Variants in FMO5 observed in about 807,000 individuals in gnomAD.
The protein encoded by FMO5 is flavin-containing monooxygenase 5.
In FMO5, 51 loss-of-function variants were observed where a neutral mutation model predicts 43.6. That is an observed-to-expected ratio of 1.17 (90% confidence interval 0.93 to 1.48). The LOEUF (loss-of-function observed/expected upper bound fraction) is 1.48, where lower values mean the gene tolerates loss of function less well. Among genes scored for constraint, FMO5 ranks in the 40% most tolerant of loss-of-function variants. The pLI is 0.00. For missense variants in FMO5, 644 were observed against 643.0 expected (o/e 1.00, Z -0.02); for synonymous variants, 187 against 216.5 (o/e 0.86, Z 1.20).
intron 5 of FMO5, among the ~76,000 whole-genome samples, chr1:147,212,127 A>G (rs1661173388): frequency 6.6e-6 from 1 of 152,224 alleles, no homozygotes; most frequent in Admixed American, 6.5e-5. Context: ...ATGCCTGATT[A>G]GGATAATGAG....
intron 7 of FMO5, 39 bp downstream of exon 7, chr1:147,201,113 C>A: frequency 7.0e-7 from 1 of 1,423,500 alleles, no homozygotes; most frequent in Admixed American, 1.9e-5. Context: ...GTAAACATAT[C>A]ACCAAGTAAT....
At chr1:147,192,708 G>A (rs1468973830) in intron 7 of FMO5, among the ~76,000 whole-genome samples, 2 of 152,094 alleles carry the variant, frequency 1.3e-5, no homozygotes, top group African/African-American at 4.8e-5. Flanking sequence ...TTTATTGAGA[G>A]TTTTTAGCAT....
intron 7 of FMO5, among the ~76,000 whole-genome samples, chr1:147,195,462 A>G (rs1384022173): frequency 6.6e-6 from 1 of 152,106 alleles, no homozygotes; most frequent in Non-Finnish European, 1.5e-5. Flanking sequence ...TTTTATGCCT[A>G]AAGTCCTGTG....
intron 7 of FMO5, among the ~76,000 whole-genome samples, chr1:147,191,152 A>G (rs1656698982): frequency 6.6e-6 from 1 of 152,144 alleles, no homozygotes; most frequent in Non-Finnish European, 1.5e-5. Flanking sequence ...ATACGTGTGC[A>G]TGTGTCTTTA....
chr1:147,197,702 T>G (rs916140397), intron 7 of FMO5, among the ~76,000 whole-genome samples: 5 of 152,130 alleles, frequency 3.3e-5, no homozygotes, highest in Admixed American at 1.3e-4. Flanking sequence ...CATGCAGAAC[T>G]GTGAGTGAAT....
Position 147,186,902 on chromosome 1 carries a change from A to G in FMO5, c.1600T>C (p.Ter534GlnextTer85). Reference sequence around the variant, plus strand: ...ACAGGGCAGTGACAATAGGACAACTAGAAGTAAGCTATAATTATAGCAAAG... The same window carrying G: ...ACAGGGCAGTGACAATAGGACAACTGGAAGTAAGCTATAATTATAGCAAAG... ...AFFAIIIAYF[*>Q] The change falls in exon 9 of 9, where the codon TAG becomes CAG. Residue 534 changes from the stop codon to glutamine (Q), a stop_lost. Transcript: ENST00000254090. 1 of 1,610,710 alleles carries G rather than the reference A, an allele frequency of 6.2e-7. No individual in the cohort carries two copies. Among genetic ancestry groups the G allele is most frequent in the Non-Finnish European group, 8.5e-7 (1 of 1,178,402 alleles).
At chr1:147,208,524 C>CT (rs1344888486) in intron 6 of FMO5, 3 of 186,682 alleles carry the variant, frequency 1.6e-5, no homozygotes, top group Non-Finnish European at 3.4e-5. Flanking sequence ...ACTGCAACCT[C>CT]TGCCTCCAGG....
chr1:147,184,412 A>G, downstream of FMO5: 2 of 1,346,956 alleles, frequency 1.5e-6, no homozygotes, highest in Middle Eastern at 2.7e-4. The surrounding 1 kb of genome is among the most constrained non-coding windows in gnomAD (Gnocchi z 4.4). Flanking sequence ...TGCATACTTT[A>G]TTAATATTCC....
chr1:147,215,104 T>A (rs1553924673), intron 3 of FMO5: 1 of 152,182 alleles, frequency 6.6e-6, no homozygotes, highest in African/African-American at 2.4e-5. Flanking sequence ...AGAAAAGTCC[T>A]AGAATACTTT....
At chr1:147,208,641 G>T in intron 6 of FMO5, 1 of 430,612 alleles carries the variant, frequency 2.3e-6, no homozygotes, top group Non-Finnish European at 4.4e-6. Flanking sequence ...GTTTCACCGT[G>T]TTGGCCAGGA....
chr1:147,204,934 G>A, intron 6 of FMO5: 1 of 1,551,452 alleles, frequency 6.4e-7, no homozygotes, highest in Non-Finnish European at 8.9e-7. Context: ...AAGCGCCATG[G>A]CCAGCCTGCA....
At chr1:147,206,173 T>A (rs1372717706) in intron 6 of FMO5, among the ~76,000 whole-genome samples, 2 of 150,414 alleles carry the variant, frequency 1.3e-5, no homozygotes, top group Non-Finnish European at 3.0e-5. Flanking sequence ...AAAATGCTCA[T>A]CATCACTGGC....
intron 7 of FMO5, among the ~76,000 whole-genome samples, chr1:147,197,121 T>C (rs1031515909): frequency 1.3e-5 from 2 of 152,222 alleles, no homozygotes; most frequent in African/African-American, 4.8e-5. Flanking sequence ...TTCATTTTCC[T>C]TCATTCCTAT....
intron 2 of FMO5, among the ~76,000 whole-genome samples, chr1:147,219,063 C>T (rs2120003): frequency 0.14 from 21,902 of 152,042 alleles, 1,545 homozygotes; most frequent in South Asian, 0.18. Flanking sequence ...CTGGTGTGTA[C>T]TGGATGTGCA....
At position 147,194,228 on chromosome 1, in the gene FMO5, T is replaced by A. The variant is rs2101760209; in HGVS notation, c.1184-3979A>T. Among the ~76,000 whole-genome samples the A allele has an allele frequency of 2.0e-5, 3 of 152,320 alleles. No homozygotes were observed. The Middle Eastern group carries it at 0.01, about 518-fold the overall frequency. ...CATATATATTTAGGATAGTTAGGTC[T>A]TCTTGTTGAATTGATCCCTTTACCA... On this transcript the variant is annotated intron_variant, in intron 7 of 8. Coordinates refer to ENST00000254090, the MANE Select transcript of FMO5 (RefSeq NM_001461.4).
chr1:147,198,459 A>C (rs1336851351), intron 7 of FMO5, among the ~76,000 whole-genome samples: 2 of 152,164 alleles, frequency 1.3e-5, no homozygotes, highest in Non-Finnish European at 2.9e-5. Flanking sequence ...TGGAAGCAAA[A>C]GCACAGGGTA....
chr1:147,192,723 T>G (rs5932785), intron 7 of FMO5, among the ~76,000 whole-genome samples: 5,608 of 152,102 alleles, frequency 0.037, 153 homozygotes, highest in South Asian at 0.095. Flanking sequence ...TAGCATGAAG[T>G]GTTGTTGAAT....
downstream of FMO5, chr1:147,186,138 T>C (rs28381224): frequency 5.0e-3 from 827 of 166,354 alleles, 3 homozygotes; most frequent in African/African-American, 0.019. Context: ...TGGATCCTAA[T>C]ATGGGAAGGA....
At position 147,212,597 on chromosome 1, in the gene FMO5, G is replaced by A; in HGVS notation, c.488-62C>T. 13 of 1,492,896 alleles carry A rather than the reference G, an allele frequency of 8.7e-6. No homozygotes were observed. The South Asian group carries it at 1.5e-4, about 17-fold the overall frequency. 92.5% of individuals were successfully genotyped at this position (1,492,896 alleles called of 1,614,324 possible). Reference sequence around the variant, plus strand: ...TTACATGATAGATATCATTTGTCAAGTCATTTGTTTTTTTTGCAGACTTAA... The same window carrying A: ...TTACATGATAGATATCATTTGTCAAATCATTTGTTTTTTTTGCAGACTTAA... On this transcript the variant is annotated intron_variant, in intron 4 of 8. Transcript: ENST00000254090.
Sources: allele counts gnomAD v4.1 joint callset (sites outside exome capture counted in the v4.1 genomes callset), GRCh38; gene constraint gnomAD v4.1.1; non-coding constraint Gnocchi (gnomAD v3.1); transcripts MANE v1.5; gene names NCBI Gene and HGNC (gene_info 2026-07-23, HGNC 2026-07-21).